UBE2K: variants seen among roughly 807,000 people sequenced by gnomAD.
UBE2K encodes the protein ubiquitin conjugating enzyme E2 K.
Under a neutral mutation model 30.0 loss-of-function variants are expected in UBE2K, and 6 were observed. The observed-to-expected ratio is 0.20, with a 90% confidence interval of 0.11 to 0.39. UBE2K has a LOEUF of 0.39. Ranked by LOEUF, UBE2K falls within the 10% of genes least tolerant of loss-of-function variation. UBE2K has a pLI of 1.00. For synonymous variants in UBE2K, 86 were observed against 83.7 expected (o/e 1.03, Z -0.15); for missense variants, 61 against 241.6 (o/e 0.25, Z 4.96).
intron 2 of UBE2K, among the ~76,000 whole-genome samples, chr4:39,742,225 A>T (rs1375338308): frequency 2.6e-5 from 4 of 152,150 alleles, no homozygotes; most frequent in Non-Finnish European, 5.9e-5. Flanking sequence ...AAGCCTATGT[A>T]GTGCTGAAGC....
At chr4:39,735,842 A>C (rs1376174528) in intron 1 of UBE2K, among the ~76,000 whole-genome samples, 1 of 152,210 alleles carries the variant, frequency 6.6e-6, no homozygotes. Context: ...AAATGTAAAA[A>C]AAAGTACTAA....
Position 39,714,639 on chromosome 4 carries a change from C to A in UBE2K, c.63+16249C>A, listed in dbSNP as rs184403797. The stretch of plus-strand genomic sequence containing the variant: ...TCAGCCCACTGCAGCCTCCGACTCC[C>A]TGGTTCAAGTGATTCTCCTGCCTCA... On this transcript the variant is annotated intron_variant, in intron 1 of 6. Coordinates refer to ENST00000261427, the MANE Select transcript of UBE2K (RefSeq NM_005339.5). Among the ~76,000 whole-genome samples the A allele has an allele frequency of 2.3e-3, 332 of 147,022 alleles. 3 individuals are homozygous for A. The highest frequency in any genetic ancestry group is 7.7e-3 in the African/African-American group (306 of 39,522).
At chr4:39,711,869 C>G (rs1281829245) in intron 1 of UBE2K, among the ~76,000 whole-genome samples, 3 of 151,558 alleles carry the variant, frequency 2.0e-5, no homozygotes, top group Non-Finnish European at 4.4e-5. Context: ...GAAACCTCGT[C>G]TCTCTACTAA....
intron 1 of UBE2K, among the ~76,000 whole-genome samples, chr4:39,712,868 T>A (rs993890686): frequency 3.3e-5 from 5 of 151,826 alleles, no homozygotes; most frequent in African/African-American, 1.2e-4. Context: ...TTACTTTTTT[T>A]TTTTTTTTTT....
At chr4:39,729,376 A>G (rs527299749) in intron 1 of UBE2K, among the ~76,000 whole-genome samples, 1 of 143,582 alleles carries the variant, frequency 7.0e-6, no homozygotes, top group Non-Finnish European at 1.5e-5. Flanking sequence ...CTTGTATCCA[A>G]CATGTCTCAA....
chr4:39,745,159 C>T (rs1441394638), intron 2 of UBE2K, among the ~76,000 whole-genome samples: 2 of 152,134 alleles, frequency 1.3e-5, no homozygotes, highest in Non-Finnish European at 2.9e-5. Context: ...TAGCCATGGA[C>T]CCAGCTTGTT....
At chr4:39,703,158 T>C (rs959392830) in intron 1 of UBE2K, among the ~76,000 whole-genome samples, 5 of 152,112 alleles carry the variant, frequency 3.3e-5, no homozygotes, top group Non-Finnish European at 5.9e-5. Context: ...GCCCGGTTAA[T>C]GTTTTTATTT....
intron 1 of UBE2K, among the ~76,000 whole-genome samples, chr4:39,717,732 G>A (rs1450360115): frequency 1.3e-5 from 2 of 152,182 alleles, no homozygotes; most frequent in Non-Finnish European, 2.9e-5. Flanking sequence ...CTTGCGGTGA[G>A]TGTTAACAGT....
At chr4:39,718,620 G>A (rs7685905) in intron 1 of UBE2K, among the ~76,000 whole-genome samples, 15,911 of 152,296 alleles carry the variant, frequency 0.1, 1,101 homozygotes, top group East Asian at 0.22. Flanking sequence ...CAGGCATGGC[G>A]GGCTGCAGGT....
intron 1 of UBE2K, among the ~76,000 whole-genome samples, chr4:39,715,182 C>T (rs1481623045): frequency 2.6e-5 from 4 of 151,844 alleles, no homozygotes; most frequent in African/African-American, 7.3e-5. Context: ...CCCGCCACCA[C>T]GCCCGGATAA....
At chr4:39,777,908 T>G in intron 6 of UBE2K, 98 bp downstream of exon 6, 1 of 1,202,938 alleles carries the variant, frequency 8.3e-7, no homozygotes, top group South Asian at 2.4e-5. Flanking sequence ...TAAGAGAAAT[T>G]CGCAGCCTGG....
intron 1 of UBE2K, among the ~76,000 whole-genome samples, chr4:39,707,477 G>A (rs1718431581): frequency 6.6e-6 from 1 of 151,848 alleles, no homozygotes; most frequent in Non-Finnish European, 1.5e-5. Context: ...TGGGATTACA[G>A]GCATGAGCCG....
chr4:39,742,021 G>C (rs561147412), intron 2 of UBE2K, among the ~76,000 whole-genome samples: 1 of 152,012 alleles, frequency 6.6e-6, no homozygotes, highest in African/African-American at 2.4e-5. Context: ...TTGTCAGAGC[G>C]TGTAACATAA....
intron 4 of UBE2K, among the ~76,000 whole-genome samples, chr4:39,768,907 G>C (rs1423260943): frequency 6.6e-6 from 1 of 152,104 alleles, no homozygotes; most frequent in Non-Finnish European, 1.5e-5. Flanking sequence ...ACCCAGGCTA[G>C]AGTGCAGTGG....
intron 2 of UBE2K, among the ~76,000 whole-genome samples, chr4:39,740,545 AG>A (rs1720640763): frequency 6.6e-6 from 1 of 150,810 alleles, no homozygotes; most frequent in African/African-American, 2.4e-5. Context: ...TGTCCCAAAA[AG>A]AAAAAAAAAA....
chr4:39,782,182 G>A lies in UBE2K; in HGVS notation c.*3748G>A. On this transcript the variant is annotated 3_prime_UTR_variant, in exon 7 of 7. Coordinates refer to ENST00000261427, the MANE Select transcript of UBE2K (RefSeq NM_005339.5). ...CCTTTTGCTTGGTTATTTCAACCAT[G>A]CTGCTATATATAATCAGGTGTGGCA... is the stretch of plus-strand genomic sequence containing the variant. 5.2e-6 allele frequency: 2 copies of A among 383,862 alleles called. No individual in the cohort carries two copies. The highest frequency in any genetic ancestry group is 9.2e-6 in the Non-Finnish European group (2 of 216,698). 23.8% of individuals were successfully genotyped at this position (383,862 alleles called of 1,614,324 possible). A position where few individuals can be genotyped will look rare whatever the true frequency, so the allele number is the denominator to read the frequency against.
intron 1 of UBE2K, among the ~76,000 whole-genome samples, chr4:39,727,298 T>A (rs965338090): frequency 1.3e-5 from 2 of 152,192 alleles, no homozygotes; most frequent in African/African-American, 4.8e-5. Flanking sequence ...TAGGACTTGA[T>A]GTGAAGAAGT....
intron 1 of UBE2K, among the ~76,000 whole-genome samples, chr4:39,711,186 G>A (rs1173320282): frequency 6.9e-5 from 9 of 130,940 alleles, no homozygotes; most frequent in African/African-American, 1.9e-4. Context: ...TTTTTGAGAC[G>A]GAGTCTCACT....
intron 3 of UBE2K, 75 bp from the exon 4 acceptor site, chr4:39,755,581 AT>A: frequency 8.9e-7 from 1 of 1,127,864 alleles, no homozygotes; most frequent in Non-Finnish European, 1.3e-6. Context: ...TAGTTTGAAG[AT>A]TTCATTTTCT....
Sources: gnomAD v4.1 joint callset for allele counts (sites outside exome capture counted in the v4.1 genomes callset) on GRCh38, gnomAD v4.1.1 for gene constraint, MANE v1.5 for transcripts, NCBI Gene and HGNC (gene_info 2026-07-23, HGNC 2026-07-21) for gene names.